NAV1: variants seen among roughly 807,000 people sequenced by gnomAD.
NAV1 encodes the protein neuron navigator 1.
In NAV1, 18 loss-of-function variants were observed where a neutral mutation model predicts 175.2. The ratio of observed to expected loss-of-function variants is 0.10; its 90% CI spans 0.07 to 0.15. The LOEUF (loss-of-function observed/expected upper bound fraction) is 0.15, where lower values mean the gene tolerates loss of function less well. Ranked by LOEUF, NAV1 falls within the 10% of genes least tolerant of loss-of-function variation. The pLI, the probability that NAV1 is intolerant of heterozygous loss-of-function variation, is 1.00. For missense variants in NAV1, 1,731 were observed against 2,436.6 expected (o/e 0.71, Z 6.10); for synonymous variants, 897 against 978.7 (o/e 0.92, Z 1.56).
chr1:201,745,883 A>G (rs1673735993), intron 3 of NAV1, among the ~76,000 whole-genome samples: 1 of 152,096 alleles, frequency 6.6e-6, no homozygotes, highest in Non-Finnish European at 1.5e-5. Context: ...CTCATGTTAC[A>G]GTTCAGTGGC....
At chr1:201,664,468 G>A (rs1305360482) in intron 1 of NAV1, among the ~76,000 whole-genome samples, 12 of 152,202 alleles carry the variant, frequency 7.9e-5, no homozygotes, top group Admixed American at 7.8e-4. Context: ...CTGTCTCATA[G>A]GATTGCTATG....
chr1:201,760,776 C>T lies in NAV1; in HGVS notation c.1227-19645C>T, dbSNP rs577622383. 6.9e-4 allele frequency among the ~76,000 whole-genome samples: 105 copies of T among 152,260 alleles called. 1 individual carries two copies. Among genetic ancestry groups the T allele is most frequent in the Non-Finnish European group, 7.3e-5 (5 of 68,032 alleles). On this transcript the variant is annotated intron_variant, in intron 3 of 29. Transcript: ENST00000367296. The stretch of plus-strand genomic sequence containing the variant: ...TGTGCATTACAAAGGGTCATTGTGT[C>T]ACATAACTTGCCCGTATCCTGAATA...
Position 201,740,215 on chromosome 1 carries a change from A to T in NAV1, c.1226+21460A>T. 1 of 727,946 alleles carries T rather than the reference A, an allele frequency of 1.4e-6. No individual in the cohort carries two copies. Among genetic ancestry groups the T allele is most frequent in the Non-Finnish European group, 2.1e-6 (1 of 470,056 alleles). 45.1% of individuals were successfully genotyped at this position (727,946 alleles called of 1,614,324 possible). ...GGCAGTGGGTGTGGGGTCCGCAAGA[A>T]GGAGGGTCTTGGCCGCGCTCGCTTT... On this transcript the variant is annotated intron_variant, in intron 3 of 29. Transcript: ENST00000367296. The surrounding 1 kb of genome is among the most constrained non-coding windows in gnomAD (Gnocchi z 4.7).
In NAV1 at chr1:201,809,211, G is replaced by A. The variant is rs151314826; in HGVS notation, c.4255G>A (p.Val1419Met). Residue 1419 changes from valine (V) to methionine (M), a missense_variant, in exon 21 of 30, where the codon GTG becomes ATG. Val to Met is a conservative substitution (Grantham distance 21). This residue lies in a region of NAV1 where 122 missense variants were observed against 139.4 expected (regional missense o/e 0.88). Transcript: ENST00000367296. ...CAGTACTTGTGGTCCAAAGGAGGAA[G>A]TGACCCTCCGGGTGGTGGTGAGGAT... 14 of 1,613,972 alleles carry A rather than the reference G, an allele frequency of 8.7e-6. No individual in the cohort carries two copies. In the African/African-American group the frequency reaches 1.6e-4, roughly 18 times the overall value.
At chr1:201,588,480 T>C (rs1667097349) in intron 1 of NAV1, among the ~76,000 whole-genome samples, 59 bp from the exon 2 acceptor site, 1 of 151,776 alleles carries the variant, frequency 6.6e-6, no homozygotes, top group Non-Finnish European at 1.5e-5. Context: ...CCTGAGTAGC[T>C]AGGACTACAG....
intron 1 of NAV1, among the ~76,000 whole-genome samples, chr1:201,625,684 C>T (rs1668308854): frequency 6.6e-6 from 1 of 152,186 alleles, no homozygotes; most frequent in Non-Finnish European, 1.5e-5. Context: ...TAAAATGTTT[C>T]CCTGGTGACT....
chr1:201,812,004 T>G lies in NAV1; in HGVS notation c.5024+30T>G. 6.2e-7 allele frequency: 1 copy of G among 1,602,794 alleles called. No individual in the cohort carries two copies. The highest frequency in any genetic ancestry group is 1.1e-5 in the South Asian group (1 of 90,838). ...GACCTCTAGCTCTGGATGAACCTTCTGACCCTACCCAAGAGTCTTCAATCC... is the reference window on the plus strand; with the variant it reads ...GACCTCTAGCTCTGGATGAACCTTCGGACCCTACCCAAGAGTCTTCAATCC... On this transcript the variant is annotated intron_variant, in intron 26 of 29. Coordinates refer to ENST00000367296, the Ensembl canonical transcript of NAV1. The surrounding 1 kb of genome is among the most constrained non-coding windows in gnomAD (Gnocchi z 4.6).
chr1:201,744,462 G>A (rs1015275394), intron 3 of NAV1, among the ~76,000 whole-genome samples: 4 of 152,074 alleles, frequency 2.6e-5, no homozygotes, highest in African/African-American at 9.7e-5. Context: ...GCATTTAGGA[G>A]CTATGTTTTC....
intron 2 of NAV1, among the ~76,000 whole-genome samples, chr1:201,604,748 G>A (rs560078324): frequency 3.0e-4 from 43 of 145,530 alleles, no homozygotes; most frequent in Middle Eastern, 3.4e-3. Flanking sequence ...GAAAGAAAGA[G>A]AGAGAGAGAG....
Position 201,785,367 on chromosome 1 carries a change from GT to G in NAV1, c.2846+22del. ...AAGGGCTCAGGTAACCCTTTAATGT[GT>G]TTTTTCTTCCCTATAAATGGGACTG... On this transcript the variant is annotated intron_variant, in intron 8 of 29. Coordinates refer to ENST00000367296, the Ensembl canonical transcript of NAV1. The G allele has an allele frequency of 6.2e-7, 1 of 1,608,168 alleles. No homozygotes were observed. Among genetic ancestry groups the G allele is most frequent in the Non-Finnish European group, 8.5e-7 (1 of 1,177,712 alleles).
intron 1 of NAV1, among the ~76,000 whole-genome samples, chr1:201,561,812 G>A (rs1339580490): frequency 6.6e-6 from 1 of 152,150 alleles, no homozygotes; most frequent in Non-Finnish European, 1.5e-5. Flanking sequence ...CCATCAGCCT[G>A]GGAACTCCCT....
chr1:201,651,084 T>C (rs1321220946), intron 1 of NAV1, among the ~76,000 whole-genome samples: 1 of 147,520 alleles, frequency 6.8e-6, no homozygotes, highest in Non-Finnish European at 1.5e-5. Context: ...TAGAGAGCCC[T>C]GCTGAGGGAC....
chr1:201,744,942 A>G (rs556781707), intron 3 of NAV1, among the ~76,000 whole-genome samples: 47 of 152,242 alleles, frequency 3.1e-4, no homozygotes, highest in Non-Finnish European at 5.9e-4. Flanking sequence ...GGTCTTTGAT[A>G]GTGCCACTGG....
chr1:201,803,305 T>G (rs1678059298), intron 15 of NAV1, among the ~76,000 whole-genome samples: 1 of 152,216 alleles, frequency 6.6e-6, no homozygotes, highest in African/African-American at 2.4e-5. Context: ...CTGGCTTTAG[T>G]TAAGTCCTTA....
chr1:201,659,388 G>A (rs1231495737), intron 1 of NAV1, among the ~76,000 whole-genome samples: 1 of 152,218 alleles, frequency 6.6e-6, no homozygotes, highest in Non-Finnish European at 1.5e-5. Flanking sequence ...GGCCGAGGTC[G>A]TAGAATCGCT....
At chr1:201,691,652 A>G (rs866619100) in intron 1 of NAV1, among the ~76,000 whole-genome samples, 1 of 152,224 alleles carries the variant, frequency 6.6e-6, no homozygotes, top group Non-Finnish European at 1.5e-5. Flanking sequence ...TTCCATGGAT[A>G]AGGAACAGAA....
At chr1:201,573,202 T>C (rs571358169) in intron 1 of NAV1, among the ~76,000 whole-genome samples, 7 of 152,344 alleles carry the variant, frequency 4.6e-5, no homozygotes, top group Middle Eastern at 3.4e-3. Context: ...ATTCAAAGGA[T>C]GTACAGACAG....
exon 1 of NAV1, chr1:201,648,852 G>C: frequency 5.6e-6 from 9 of 1,611,102 alleles, no homozygotes; most frequent in Non-Finnish European, 7.6e-6. Context: ...GGCCAGCGCG[G>C]CTGAGCTGAA....
upstream of NAV1, among the ~76,000 whole-genome samples, chr1:201,645,261 T>C (rs960579738): frequency 6.6e-5 from 10 of 151,858 alleles, no homozygotes; most frequent in Non-Finnish European, 1.2e-4. Flanking sequence ...GGGACATGGA[T>C]GAAACTGGAA....
Sources: gnomAD v4.1 joint callset for allele counts (sites outside exome capture counted in the v4.1 genomes callset) on GRCh38, gnomAD v4.1.1 for gene constraint, gnomAD v4.1.1 regional missense constraint, Gnocchi (gnomAD v3.1) non-coding constraint, MANE v1.5 for transcripts, NCBI Gene and HGNC (gene_info 2026-07-23, HGNC 2026-07-21) for gene names.